Variants in TRPC5 observed in about 807,000 individuals in gnomAD.
The protein encoded by TRPC5 is transient receptor potential cation channel subfamily C member 5.
Under a neutral mutation model 56.5 loss-of-function variants are expected in TRPC5, and 9 were observed. That is an observed-to-expected ratio of 0.16 (90% CI 0.10 to 0.28). The LOEUF is 0.28. Among genes scored for constraint, TRPC5 ranks in the 10% least tolerant of loss-of-function variants. The pLI is 1.00. For synonymous variants in TRPC5, 282 were observed against 278.5 expected (o/e 1.01, Z -0.13); for missense variants, 469 against 748.9 (o/e 0.63, Z 4.36).
intron 3 of TRPC5, among the ~76,000 whole-genome samples, chrX:111,854,886 C>T (rs897306472): frequency 6.3e-5 from 7 of 111,758 alleles, no homozygotes; most frequent in Admixed American, 9.5e-5. Context: ...GCTGGCATTA[C>T]GATATTGTAT....
intron 3 of TRPC5, among the ~76,000 whole-genome samples, chrX:111,877,967 G>GA (rs1366335143): frequency 9.0e-6 from 1 of 111,376 alleles, no homozygotes; most frequent in Non-Finnish European, 1.9e-5. Context: ...TGGTGATTAA[G>GA]AAAAATAATT....
At chrX:112,006,330 T>A (rs1179492753) in intron 1 of TRPC5, among the ~76,000 whole-genome samples, 1 of 112,008 alleles carries the variant, frequency 8.9e-6, no homozygotes, top group Non-Finnish European at 1.9e-5. Flanking sequence ...TTGTAACAAT[T>A]ACAACAAATA....
At chrX:111,962,504 A>T (rs1433248970) in intron 1 of TRPC5, among the ~76,000 whole-genome samples, 1 of 112,457 alleles carries the variant, frequency 8.9e-6, no homozygotes, top group East Asian at 2.8e-4. Flanking sequence ...GAGCCTGAAG[A>T]TGTGACTGAA....
chrX:111,893,348 A>G (rs1924903038), intron 3 of TRPC5, among the ~76,000 whole-genome samples: 1 of 111,577 alleles, frequency 9.0e-6, no homozygotes. Context: ...CAGACTCTCT[A>G]AGGGCCTGGG....
chrX:111,807,956 C>G (rs60517453), intron 7 of TRPC5, among the ~76,000 whole-genome samples: 4,270 of 91,855 alleles, frequency 0.046, 301 homozygotes, highest in African/African-American at 0.18. Context: ...CTCTCTCTCT[C>G]TGTGTGTGTG....
chrX:111,955,360 A>G (rs933755151), intron 1 of TRPC5, among the ~76,000 whole-genome samples: 3 of 111,995 alleles, frequency 2.7e-5, no homozygotes, highest in African/African-American at 6.5e-5. Flanking sequence ...GCTAAAAACT[A>G]GTAATATATT....
At chrX:112,059,195 A>G (rs1930407378) in intron 1 of TRPC5, among the ~76,000 whole-genome samples, 1 of 111,502 alleles carries the variant, frequency 9.0e-6, no homozygotes, top group Admixed American at 9.5e-5. Flanking sequence ...GAGAACCCCA[A>G]TTCACCACCC....
intron 1 of TRPC5, among the ~76,000 whole-genome samples, chrX:112,047,508 G>A (rs182343954): frequency 1.2e-4 from 13 of 111,780 alleles, no homozygotes; most frequent in African/African-American, 3.6e-4. Flanking sequence ...ATGCTGTGGT[G>A]TATAGTAGAT....
intron 2 of TRPC5, among the ~76,000 whole-genome samples, chrX:111,935,387 A>C (rs2148629954): frequency 8.9e-6 from 1 of 111,978 alleles, no homozygotes; most frequent in East Asian, 2.8e-4. Flanking sequence ...TCAGATGAAT[A>C]GTGTGCAAAT....
At chrX:111,971,471 C>T (rs1246992472) in intron 1 of TRPC5, among the ~76,000 whole-genome samples, 1 of 111,464 alleles carries the variant, frequency 9.0e-6, no homozygotes, top group Non-Finnish European at 1.9e-5. Flanking sequence ...GAAGGTAGTA[C>T]ATCTCAACTC....
At chrX:111,994,174 T>G (rs1006680838) in intron 1 of TRPC5, among the ~76,000 whole-genome samples, 25 of 111,880 alleles carry the variant, frequency 2.2e-4, no homozygotes, top group Admixed American at 1.9e-3. Flanking sequence ...TTTCCCCATT[T>G]CTTGTTTTTG....
chrX:111,791,891 CAG>C (rs1320735283), intron 7 of TRPC5, among the ~76,000 whole-genome samples: 2 of 112,351 alleles, frequency 1.8e-5, no homozygotes, highest in Non-Finnish European at 3.8e-5. Context: ...CTGTGGAAGA[CAG>C]TGTGGTGATT....
intron 7 of TRPC5, among the ~76,000 whole-genome samples, chrX:111,830,768 T>G (rs1922384394): frequency 8.9e-6 from 1 of 112,299 alleles, no homozygotes. Flanking sequence ...AACTCTTTTC[T>G]TTATAAATGA....
At chrX:111,948,593 G>T (rs1308111330) in intron 2 of TRPC5, among the ~76,000 whole-genome samples, 1 of 109,685 alleles carries the variant, frequency 9.1e-6, no homozygotes, top group Non-Finnish European at 1.9e-5. Context: ...TTAGCCAGGC[G>T]TGGCGGTGTG....
chrX:112,036,351 G>A (rs1366348425), intron 1 of TRPC5, among the ~76,000 whole-genome samples: 1 of 111,992 alleles, frequency 8.9e-6, no homozygotes, highest in Non-Finnish European at 1.9e-5. Context: ...AGTGACTTCT[G>A]AGTTAGGTGA....
intron 1 of TRPC5, among the ~76,000 whole-genome samples, chrX:112,011,322 T>A (rs1928986845): frequency 8.9e-6 from 1 of 111,775 alleles, no homozygotes; most frequent in South Asian, 3.8e-4. Flanking sequence ...GTGTGAAACC[T>A]AGCAGCCATC....
intron 2 of TRPC5, among the ~76,000 whole-genome samples, chrX:111,933,424 A>C (rs1267448696): frequency 1.8e-5 from 2 of 111,190 alleles, no homozygotes; most frequent in Admixed American, 9.6e-5. Context: ...CAGATGAGAC[A>C]TATCTGCCCA....
intron 1 of TRPC5, among the ~76,000 whole-genome samples, chrX:112,071,717 G>A (rs1373047197): frequency 8.9e-6 from 1 of 111,876 alleles, no homozygotes; most frequent in Non-Finnish European, 1.9e-5. Flanking sequence ...ATTTTCTTTT[G>A]ATTTTTTCCA....
chrX:112,037,533 T>C (rs1440765508), intron 1 of TRPC5, among the ~76,000 whole-genome samples: 1 of 111,626 alleles, frequency 9.0e-6, no homozygotes, highest in Non-Finnish European at 1.9e-5. Flanking sequence ...CCCTAAATCT[T>C]TCTTCCAGCA....
Sources: allele counts gnomAD v4.1 joint callset (sites outside exome capture counted in the v4.1 genomes callset), GRCh38; gene constraint gnomAD v4.1.1; transcripts MANE v1.5; gene names NCBI Gene and HGNC (gene_info 2026-07-23, HGNC 2026-07-21).